SAMD12: variants seen among roughly 807,000 people sequenced by gnomAD.
SAMD12 encodes the protein sterile alpha motif domain-containing protein 12.
Under a neutral mutation model 15.0 loss-of-function variants are expected in SAMD12, and 9 were observed. That is an observed-to-expected ratio of 0.60 (90% CI 0.36 to 1.05). SAMD12 has a LOEUF of 1.05. SAMD12 is among the 50% of genes least tolerant of loss of function. The pLI is 0.01. For missense variants in SAMD12, 230 were observed against 234.2 expected, an observed-to-expected ratio of 0.98 and a Z score of 0.12; for synonymous variants, 86 against 90.1, an observed-to-expected ratio of 0.96 and a Z score of 0.25.
intron 4 of SAMD12, among the ~76,000 whole-genome samples, chr8:118,313,988 G>T (rs1815756601): frequency 6.6e-6 from 1 of 151,944 alleles, no homozygotes; most frequent in South Asian, 2.1e-4. Flanking sequence ...TTAAAGTAAA[G>T]GTTCTTGAGG....
At chr8:118,422,926 C>T (rs527632604) in intron 3 of SAMD12, among the ~76,000 whole-genome samples, 61 of 152,250 alleles carry the variant, frequency 4.0e-4, no homozygotes, top group Middle Eastern at 3.4e-3. Context: ...AAGGAGAAGA[C>T]CACAGTTAGG....
At chr8:118,511,456 T>TTG (rs897743357) in intron 2 of SAMD12, among the ~76,000 whole-genome samples, 4 of 151,924 alleles carry the variant, frequency 2.6e-5, no homozygotes, top group Non-Finnish European at 4.4e-5. Flanking sequence ...GTTTTTGTTT[T>TTG]TTTTTTAAAT....
At chr8:118,391,865 T>C (rs1820292769) in intron 3 of SAMD12, among the ~76,000 whole-genome samples, 1 of 151,190 alleles carries the variant, frequency 6.6e-6, no homozygotes. Context: ...ATTAAACAGC[T>C]ACAAAAACAA....
chr8:118,595,274 A>G (rs944630464), intron 1 of SAMD12, among the ~76,000 whole-genome samples: 2 of 152,212 alleles, frequency 1.3e-5, no homozygotes, highest in African/African-American at 4.8e-5. Context: ...ATTCCTACTT[A>G]GCTTTTCAAA....
At chr8:118,515,185 A>AT (rs55864364) in intron 2 of SAMD12, among the ~76,000 whole-genome samples, 2,809 of 103,252 alleles carry the variant, frequency 0.027, 149 homozygotes, top group African/African-American at 0.088. Context: ...CGCCCAGCTA[A>AT]TTTTTTTTTT....
chr8:118,397,544 T>C (rs1342494361), intron 3 of SAMD12, among the ~76,000 whole-genome samples: 2 of 152,192 alleles, frequency 1.3e-5, no homozygotes. Flanking sequence ...ACTCGATAAC[T>C]GAGTTTTTCT....
chr8:118,549,718 C>T (rs201538825), intron 2 of SAMD12, among the ~76,000 whole-genome samples: 5 of 149,890 alleles, frequency 3.3e-5, no homozygotes, highest in African/African-American at 4.9e-5. Context: ...AGGATTCAGA[C>T]GATCAAACTA....
chr8:118,226,911 C>G (rs536882034), intron 4 of SAMD12, among the ~76,000 whole-genome samples: 1 of 152,126 alleles, frequency 6.6e-6, no homozygotes. Context: ...ATAAGTAGAA[C>G]ATTCCATAAA....
chr8:118,313,694 T>TA (rs1401564197), intron 4 of SAMD12, among the ~76,000 whole-genome samples: 2 of 152,100 alleles, frequency 1.3e-5, no homozygotes, highest in African/African-American at 4.8e-5. Flanking sequence ...CAGAGACAGT[T>TA]AGTTTATATA....
intron 2 of SAMD12, among the ~76,000 whole-genome samples, chr8:118,465,026 C>A (rs1252536509): frequency 1.3e-5 from 2 of 152,166 alleles, no homozygotes; most frequent in Admixed American, 6.6e-5. Context: ...AGGAGGTTCT[C>A]CATGCCTGCA....
chr8:118,167,181 C>T, the SAMD12 span, among the ~76,000 whole-genome samples: 17 of 152,048 alleles, frequency 1.1e-4, 1 homozygote, highest in Middle Eastern at 6.8e-3. Context: ...TCTTACTCCC[C>T]CCAGCCCCCC....
At chr8:118,615,255 T>C (rs1828212235) in intron 1 of SAMD12, among the ~76,000 whole-genome samples, 2 of 152,184 alleles carry the variant, frequency 1.3e-5, no homozygotes. Context: ...GCTACCCCTT[T>C]CGTTAGGCTA....
chr8:118,257,163 A>T (rs1812965831), intron 4 of SAMD12, among the ~76,000 whole-genome samples: 1 of 152,060 alleles, frequency 6.6e-6, no homozygotes, highest in Admixed American at 6.6e-5. Context: ...CTAAATACCC[A>T]CCATGTTCTA....
At chr8:118,553,219 G>A (rs34788360) in intron 2 of SAMD12, among the ~76,000 whole-genome samples, 56,637 of 151,922 alleles carry the variant, frequency 0.37, 13,098 homozygotes, top group Admixed American at 0.55. Context: ...AGCCCACATC[G>A]CCAAGGCAAT....
chr8:118,270,332 AACG>A (rs1388892744), intron 4 of SAMD12, among the ~76,000 whole-genome samples: 1 of 152,158 alleles, frequency 6.6e-6, no homozygotes, highest in Non-Finnish European at 1.5e-5. Flanking sequence ...TATAAAATAA[AACG>A]ACTTTTCTTT....
intron 4 of SAMD12, among the ~76,000 whole-genome samples, chr8:118,368,631 T>A (rs1818922692): frequency 6.6e-6 from 1 of 152,188 alleles, no homozygotes; most frequent in South Asian, 2.1e-4. Flanking sequence ...CAAAATGGCT[T>A]TGTAGCTACG....
intron 1 of SAMD12, among the ~76,000 whole-genome samples, chr8:118,598,606 A>C (rs906906994): frequency 6.6e-6 from 1 of 152,252 alleles, no homozygotes; most frequent in African/African-American, 2.4e-5. Flanking sequence ...CTACTTATTT[A>C]TTTGAGCACC....
chr8:118,484,211 T>C (rs956806629), intron 2 of SAMD12, among the ~76,000 whole-genome samples: 3 of 152,066 alleles, frequency 2.0e-5, no homozygotes, highest in Admixed American at 6.5e-5. Flanking sequence ...TTAGGTGTGC[T>C]GGCCAGGTGG....
At chr8:118,498,466 C>T (rs1824689899) in intron 2 of SAMD12, among the ~76,000 whole-genome samples, 1 of 152,184 alleles carries the variant, frequency 6.6e-6, no homozygotes, top group Non-Finnish European at 1.5e-5. Flanking sequence ...GTGGATAGCT[C>T]CAGGCATATC....
Sources: gnomAD v4.1 joint callset for allele counts (sites outside exome capture counted in the v4.1 genomes callset) on GRCh38, gnomAD v4.1.1 for gene constraint, MANE v1.5 for transcripts, NCBI Gene and HGNC (gene_info 2026-07-23, HGNC 2026-07-21) for gene names.